Variants in LUZP2 observed in about 807,000 individuals in gnomAD.
LUZP2 encodes leucine zipper protein 2.
In LUZP2, 52 loss-of-function variants were observed where a neutral mutation model predicts 51.6. That is an observed-to-expected ratio of 1.01 (90% CI 0.81 to 1.27). The LOEUF is 1.27. Among genes scored for constraint, LUZP2 ranks in the 50% most tolerant of loss-of-function variants. The pLI, the probability that LUZP2 is intolerant of heterozygous loss-of-function variation, is 0.00. For synonymous variants in LUZP2, 154 were observed against 137.3 expected, an observed-to-expected ratio of 1.12 and a Z score of -0.85; for missense variants, 436 against 395.4, an observed-to-expected ratio of 1.10 and a Z score of -0.87.
intron 1 of LUZP2, among the ~76,000 whole-genome samples, chr11:24,563,201 C>A (rs1023903387): frequency 2.0e-5 from 3 of 152,120 alleles, no homozygotes; most frequent in African/African-American, 7.2e-5. Flanking sequence ...AACTGGGAAT[C>A]ATTAGGAAGT....
intron 1 of LUZP2, among the ~76,000 whole-genome samples, chr11:24,499,465 T>G (rs968385480): frequency 9.9e-5 from 15 of 152,194 alleles, no homozygotes; most frequent in Non-Finnish European, 1.6e-4. Flanking sequence ...ACTGAGCAGC[T>G]TTGAAAGGAC....
chr11:24,533,466 A>G (rs1199962353), intron 1 of LUZP2, among the ~76,000 whole-genome samples: 1 of 151,292 alleles, frequency 6.6e-6, no homozygotes, highest in Admixed American at 6.6e-5. Context: ...TTTCACTTAA[A>G]CATGAAACCT....
chr11:24,559,809 G>A (rs1038151707), intron 1 of LUZP2, among the ~76,000 whole-genome samples: 1 of 152,096 alleles, frequency 6.6e-6, no homozygotes, highest in Non-Finnish European at 1.5e-5. Context: ...TTATAGAAAG[G>A]GATAAACATT....
At chr11:25,069,368 G>A (rs1197782028) in intron 10 of LUZP2, among the ~76,000 whole-genome samples, 1 of 151,880 alleles carries the variant, frequency 6.6e-6, no homozygotes, top group Non-Finnish European at 1.5e-5. Context: ...GTATTGATAT[G>A]AGAATTAAAT....
chr11:24,649,862 T>A (rs1017275163), intron 1 of LUZP2, among the ~76,000 whole-genome samples: 5 of 151,888 alleles, frequency 3.3e-5, no homozygotes, highest in African/African-American at 1.2e-4. Context: ...CCACTGTCTG[T>A]CCTTCTTCAG....
chr11:25,006,681 C>T (rs2133951431), intron 9 of LUZP2, among the ~76,000 whole-genome samples: 1 of 152,288 alleles, frequency 6.6e-6, no homozygotes, highest in Non-Finnish European at 1.5e-5. Context: ...GCACTCACCA[C>T]TTGGCGATAG....
At chr11:24,568,224 A>T (rs1044304348) in intron 1 of LUZP2, among the ~76,000 whole-genome samples, 2 of 151,902 alleles carry the variant, frequency 1.3e-5, no homozygotes, top group African/African-American at 4.8e-5. Context: ...GCTGAGTGTG[A>T]CGGTGCATGC....
At chr11:24,605,959 G>A (rs998065873) in intron 1 of LUZP2, among the ~76,000 whole-genome samples, 4 of 151,656 alleles carry the variant, frequency 2.6e-5, no homozygotes, top group African/African-American at 9.7e-5. Flanking sequence ...TGCTGTATTA[G>A]TCTTTATATG....
At chr11:24,684,464 G>A (rs1590344825) in intron 1 of LUZP2, among the ~76,000 whole-genome samples, 1 of 152,114 alleles carries the variant, frequency 6.6e-6, no homozygotes, top group Non-Finnish European at 1.5e-5. Context: ...TTCTGCCTCT[G>A]GTTTCTTAGG....
At chr11:24,895,910 T>C (rs1373026526) in intron 5 of LUZP2, among the ~76,000 whole-genome samples, 1 of 152,252 alleles carries the variant, frequency 6.6e-6, no homozygotes, top group Non-Finnish European at 1.5e-5. Flanking sequence ...TTGAGAAATC[T>C]TCAAACTGCT....
At chr11:24,835,651 A>C (rs1053708045) in intron 5 of LUZP2, among the ~76,000 whole-genome samples, 1 of 152,088 alleles carries the variant, frequency 6.6e-6, no homozygotes, top group African/African-American at 2.4e-5. Flanking sequence ...AGAGACAAAA[A>C]CAGACAGAGC....
At chr11:24,881,902 A>G (rs1328375622) in intron 5 of LUZP2, among the ~76,000 whole-genome samples, 1 of 118,530 alleles carries the variant, frequency 8.4e-6, no homozygotes, top group African/African-American at 2.8e-5. Flanking sequence ...CTAATAACCT[A>G]TTTATTTAAT....
intron 1 of LUZP2, among the ~76,000 whole-genome samples, chr11:24,589,826 A>G (rs1285546380): frequency 1.3e-5 from 2 of 152,150 alleles, no homozygotes; most frequent in African/African-American, 4.8e-5. Context: ...GATGTTGAAC[A>G]AGGACCTTTT....
intron 1 of LUZP2, among the ~76,000 whole-genome samples, chr11:24,677,828 T>C (rs1033065055): frequency 2.6e-5 from 4 of 152,042 alleles, no homozygotes; most frequent in Non-Finnish European, 5.9e-5. Context: ...GGCGGGCCGA[T>C]CACGAGGTCA....
intron 7 of LUZP2, among the ~76,000 whole-genome samples, chr11:24,975,082 T>C (rs1190417220): frequency 6.6e-6 from 1 of 152,024 alleles, no homozygotes; most frequent in Non-Finnish European, 1.5e-5. Context: ...TGTTGATTAA[T>C]ATAACCTCTC....
intron 5 of LUZP2, among the ~76,000 whole-genome samples, chr11:24,770,532 C>T (rs1860367857): frequency 6.6e-6 from 1 of 152,124 alleles, no homozygotes; most frequent in South Asian, 2.1e-4. Flanking sequence ...ATGTCTTCTT[C>T]AGCTCCTGTT....
At chr11:25,017,217 A>G (rs7939632) in intron 9 of LUZP2, among the ~76,000 whole-genome samples, 147,033 of 152,210 alleles carry the variant, frequency 0.97, 71,206 homozygotes, top group East Asian at 1. Context: ...TCCCACTCTG[A>G]GTTTTATGTT....
chr11:24,841,776 AT>A (rs1398572241), intron 5 of LUZP2, among the ~76,000 whole-genome samples: 1 of 152,130 alleles, frequency 6.6e-6, no homozygotes, highest in East Asian at 1.9e-4. Context: ...GAGTTGCTAA[AT>A]TTAACTCCCT....
intron 1 of LUZP2, among the ~76,000 whole-genome samples, chr11:24,574,641 T>C (rs892678016): frequency 1.3e-5 from 2 of 152,016 alleles, no homozygotes; most frequent in African/African-American, 4.8e-5. Context: ...TCTTGAGCAC[T>C]GGGGTGAGTA....
Sources: gnomAD v4.1 joint callset for allele counts (sites outside exome capture counted in the v4.1 genomes callset) on GRCh38, gnomAD v4.1.1 for gene constraint, MANE v1.5 for transcripts, NCBI Gene and HGNC (gene_info 2026-07-23, HGNC 2026-07-21) for gene names.